CBLN2: variants seen among roughly 807,000 people sequenced by gnomAD.
The protein encoded by CBLN2 is cerebellin-2.
Under a neutral mutation model 15.0 loss-of-function variants are expected in CBLN2, and 7 were observed. That is an observed-to-expected ratio of 0.47 (90% CI 0.27 to 0.88). The LOEUF (loss-of-function observed/expected upper bound fraction) is 0.88. CBLN2 is among the 40% of genes least tolerant of loss of function. CBLN2 has a pLI of 0.14. For missense variants in CBLN2, 242 were observed against 304.5 expected (o/e 0.79, Z 1.53); for synonymous variants, 149 against 135.2 (o/e 1.10, Z -0.71).
At chr18:72,544,973 C>A (rs1305486854), upstream of CBLN2, among the ~76,000 whole-genome samples, 1 of 147,240 alleles carries the variant, frequency 6.8e-6, no homozygotes, top group Non-Finnish European at 1.5e-5. Flanking sequence ...TTCTGATAGG[C>A]TAATAATAAT....
At chr18:72,611,218 TC>T (rs1215903360) in intron 1 of CBLN2, among the ~76,000 whole-genome samples, 2 of 152,226 alleles carry the variant, frequency 1.3e-5, no homozygotes, top group Non-Finnish European at 2.9e-5. Context: ...GCATGTGTCT[TC>T]CTGGTAGAAG....
rs180706676 is a variant in CBLN2, at chr18:72,612,456, C to A, written c.15+25869G>T. Reference sequence around the variant, plus strand: ...TTACTTCCCTCAAACTGATTGCAGGCTCCCCACCTTACCTTCAAAGCCCTT... The same window carrying A: ...TTACTTCCCTCAAACTGATTGCAGGATCCCCACCTTACCTTCAAAGCCCTT... On this transcript the variant is annotated intron_variant, in intron 1 of 2. Coordinates refer to the CBLN2 transcript ENST00000581073. Among the ~76,000 whole-genome samples the A allele has an allele frequency of 2.5e-3, 379 of 152,138 alleles. 2 individuals are homozygous for A. The highest frequency in any genetic ancestry group is 8.7e-3 in the African/African-American group (361 of 41,500).
intron 1 of CBLN2, among the ~76,000 whole-genome samples, chr18:72,581,232 A>G (rs1360476828): frequency 2.6e-5 from 4 of 152,208 alleles, no homozygotes; most frequent in African/African-American, 9.7e-5. Flanking sequence ...GTGTGTCAGA[A>G]TATTTTTAAT....
Position 72,542,057 on chromosome 18 carries a change from G to A in CBLN2, c.104C>T (p.Ala35Val), listed in dbSNP as rs201862643. The A allele has an allele frequency of 7.0e-6, 11 of 1,580,102 alleles. No homozygotes were observed. In the African/African-American group the frequency reaches 8.3e-5, roughly 12 times the overall value. Reference sequence around the variant, plus strand: ...CAGTAGCAGCAACAGCAGGGCCAGCGCCACCCCCAGGCAGGATCCGCAGCC... The same window carrying A: ...CAGTAGCAGCAACAGCAGGGCCAGCACCACCCCCAGGCAGGATCCGCAGCC... ...PGGCGSCLGV[A>V]LALLLLLLPA... The change falls in exon 3 of 5, where the codon GCG becomes GTG. Residue 35 changes from alanine (A) to valine (V), a missense_variant. By Grantham distance (64) the Ala-to-Val change is moderately conservative. Coordinates refer to ENST00000269503, the MANE Select transcript of CBLN2 (RefSeq NM_182511.4).
Position 72,632,173 on chromosome 18 carries a change from C to T in CBLN2, c.15+6152G>A, listed in dbSNP as rs138835751. 2.1e-3 allele frequency among the ~76,000 whole-genome samples: 312 copies of T among 151,954 alleles called. 1 individual carries two copies. The highest frequency in any genetic ancestry group is 6.8e-3 in the African/African-American group (283 of 41,482). The stretch of plus-strand genomic sequence containing the variant: ...GTTAAGCATTTTCAATATTTATATA[C>T]GTAAGGTGTGTGTAATTAATCAATA... On this transcript the variant is annotated intron_variant, in intron 1 of 2. Transcript: ENST00000581073.
chr18:72,634,763 C>T (rs1005306652), intron 1 of CBLN2, among the ~76,000 whole-genome samples: 1 of 152,124 alleles, frequency 6.6e-6, no homozygotes, highest in Non-Finnish European at 1.5e-5. Flanking sequence ...ACAGCTTATT[C>T]ATACAGATTT....
intron 1 of CBLN2, among the ~76,000 whole-genome samples, chr18:72,593,750 C>T (rs2069495373): frequency 6.6e-6 from 1 of 152,068 alleles, no homozygotes; most frequent in Non-Finnish European, 1.5e-5. Context: ...TTTTTAGCAT[C>T]AATTGAAATG....
chr18:72,606,885 A>G (rs1424115396), intron 1 of CBLN2, among the ~76,000 whole-genome samples: 3 of 152,238 alleles, frequency 2.0e-5, no homozygotes, highest in Non-Finnish European at 4.4e-5. Flanking sequence ...AGATGAGGCC[A>G]TGGATTGCGC....
chr18:72,606,534 C>T (rs998053843), intron 1 of CBLN2, among the ~76,000 whole-genome samples: 1 of 152,176 alleles, frequency 6.6e-6, no homozygotes, highest in Non-Finnish European at 1.5e-5. Context: ...TTCCTTATGT[C>T]AGGTCCCTTA....
chr18:72,600,051 G>A, intron 1 of CBLN2, among the ~76,000 whole-genome samples: 1 of 152,192 alleles, frequency 6.6e-6, no homozygotes, highest in East Asian at 1.9e-4. Context: ...CTGCTCATTT[G>A]TCACTGCAGA....
intron 1 of CBLN2, among the ~76,000 whole-genome samples, chr18:72,637,011 C>A: frequency 7.0e-6 from 1 of 142,280 alleles, no homozygotes; most frequent in African/African-American, 2.6e-5. Flanking sequence ...TAATCATGAT[C>A]ATAATCAGTG....
At chr18:72,611,464 C>T (rs746249545) in intron 1 of CBLN2, among the ~76,000 whole-genome samples, 15 of 151,954 alleles carry the variant, frequency 9.9e-5, no homozygotes, top group Non-Finnish European at 1.9e-4. Flanking sequence ...GGTATTTAAC[C>T]GTGGTTTTTA....
intron 1 of CBLN2, among the ~76,000 whole-genome samples, chr18:72,628,137 C>A (rs758686878): frequency 6.6e-6 from 1 of 152,180 alleles, no homozygotes; most frequent in Non-Finnish European, 1.5e-5. Flanking sequence ...TTGGTCCTGC[C>A]TGTAGAAGAC....
intron 1 of CBLN2, among the ~76,000 whole-genome samples, chr18:72,553,982 A>G (rs2069208109): frequency 1.3e-5 from 2 of 152,216 alleles, no homozygotes. Context: ...ATCTGATTAT[A>G]TTACATGAAG....
At chr18:72,592,569 C>A (rs1363537640) in intron 1 of CBLN2, among the ~76,000 whole-genome samples, 1 of 151,974 alleles carries the variant, frequency 6.6e-6, no homozygotes, top group African/African-American at 2.4e-5. Flanking sequence ...TCTTTGCCCA[C>A]TCCAATGTCC....
chr18:72,625,467 C>A (rs1186252040), intron 1 of CBLN2, among the ~76,000 whole-genome samples: 1 of 151,418 alleles, frequency 6.6e-6, no homozygotes. Context: ...TATCTCTATC[C>A]CTAGATTTTA....
At chr18:72,562,698 G>A (rs1348467509) in intron 1 of CBLN2, among the ~76,000 whole-genome samples, 1 of 152,192 alleles carries the variant, frequency 6.6e-6, no homozygotes, top group Non-Finnish European at 1.5e-5. Flanking sequence ...GACAATAGTG[G>A]AAAATGAATC....
At chr18:72,616,862 C>G (rs139858113) in intron 1 of CBLN2, among the ~76,000 whole-genome samples, 58 of 152,050 alleles carry the variant, frequency 3.8e-4, no homozygotes, top group African/African-American at 1.4e-3. Flanking sequence ...CTGTGTGTGT[C>G]TGTGTGTTTA....
At chr18:72,565,551 G>A (rs954211289) in intron 1 of CBLN2, among the ~76,000 whole-genome samples, 2 of 152,238 alleles carry the variant, frequency 1.3e-5, no homozygotes, top group Admixed American at 6.5e-5. Context: ...GTATGCAACC[G>A]AAGTTAAGTT....
Sources: gnomAD v4.1 joint callset for allele counts (sites outside exome capture counted in the v4.1 genomes callset) on GRCh38, gnomAD v4.1.1 for gene constraint, MANE v1.5 for transcripts, NCBI Gene and HGNC (gene_info 2026-07-23, HGNC 2026-07-21) for gene names.